Variants in SIL1 observed in about 807,000 individuals in gnomAD.
SIL1 encodes SIL1 nucleotide exchange factor.
SIL1 carries 40 observed loss-of-function variants against 49.1 expected under a neutral mutation model. That is an observed-to-expected ratio of 0.81 (90% CI 0.63 to 1.06). The LOEUF (loss-of-function observed/expected upper bound fraction) is 1.06. Among genes scored for constraint, SIL1 ranks in the 50% least tolerant of loss-of-function variants. The pLI is 0.00. For synonymous variants in SIL1, 253 were observed against 250.8 expected, an observed-to-expected ratio of 1.01 and a Z score of -0.08; for missense variants, 500 against 572.6, an observed-to-expected ratio of 0.87 and a Z score of 1.29.
intron 5 of SIL1, among the ~76,000 whole-genome samples, chr5:139,041,611 C>G (rs189416746): frequency 1.6e-3 from 241 of 152,184 alleles, no homozygotes; most frequent in Middle Eastern, 6.8e-3. Flanking sequence ...CGAGAGCAAC[C>G]TGGCCAACAT....
intron 7 of SIL1, among the ~76,000 whole-genome samples, chr5:138,957,012 G>A (rs775983383): frequency 6.6e-6 from 1 of 151,926 alleles, no homozygotes; most frequent in Non-Finnish European, 1.5e-5. Flanking sequence ...AGCCACCCAC[G>A]TAAGCAACTA....
In SIL1 at chr5:138,951,872, G is replaced by T; in HGVS notation, c.780C>A (p.Val260=). ...CTCCCCCTTCGATGGCCTCCACCTG[G>T]ACCTTGGGGTTGCTGGGGAAGAAGC... ...LGAAFSSNPK[V]QVEAIEGGAL... is the part of the protein sequence containing the mutation. Residue 260 remains valine, a synonymous_variant, in exon 8 of 10, where the codon GTC becomes GTA. Coordinates refer to ENST00000394817, the MANE Select transcript of SIL1 (RefSeq NM_022464.5). The T allele has an allele frequency of 6.2e-7, 1 of 1,613,822 alleles. No individual in the cohort carries two copies. The highest frequency in any genetic ancestry group is 8.5e-7 in the Non-Finnish European group (1 of 1,180,018).
intron 7 of SIL1, among the ~76,000 whole-genome samples, chr5:138,987,866 T>C (rs1486637867): frequency 6.6e-6 from 1 of 152,210 alleles, no homozygotes; most frequent in African/African-American, 2.4e-5. Context: ...ACAAGAGTTT[T>C]GCTCTTGTCA....
intron 7 of SIL1, among the ~76,000 whole-genome samples, chr5:138,996,132 T>C (rs994479923): frequency 6.6e-6 from 1 of 152,252 alleles, no homozygotes; most frequent in Admixed American, 6.5e-5. Flanking sequence ...AAAGTGGCTG[T>C]ACTAATTTGC....
chr5:139,122,574 G>A (rs965362311), intron 2 of SIL1, among the ~76,000 whole-genome samples: 2 of 151,352 alleles, frequency 1.3e-5, no homozygotes, highest in Non-Finnish European at 2.9e-5. Context: ...CAGCCTGTGT[G>A]ACAGAGCAAG....
At chr5:138,952,508 C>T (rs757405606) in intron 7 of SIL1, among the ~76,000 whole-genome samples, 1 of 152,250 alleles carries the variant, frequency 6.6e-6, no homozygotes, top group Non-Finnish European at 1.5e-5. Context: ...CACTCTATAA[C>T]AGCAGCTACT....
chr5:139,114,440 C>G (rs889257075), intron 3 of SIL1, among the ~76,000 whole-genome samples: 1 of 152,176 alleles, frequency 6.6e-6, no homozygotes, highest in African/African-American at 2.4e-5. Context: ...TCTCCCAGTA[C>G]AGGATAATTT....
rs35074969 is a variant in SIL1 at position 138,998,852 on chromosome 5, CTT to C, written c.767+22317_767+22318del. ...AGTAGGATGCAGAGGATTATCTTTC[CTT>C]TTTTTTTTTTTTTTTTTTTTTGAGA... On this transcript the variant is annotated intron_variant, in intron 7 of 9. Transcript: ENST00000394817. Among the ~76,000 whole-genome samples, 724 of 98,662 alleles carry C rather than the reference CTT, an allele frequency of 7.3e-3. 6 individuals carry two copies. The highest frequency in any genetic ancestry group is 0.021 in the Admixed American group (190 of 9,184). 64.7% of individuals were successfully genotyped at this position (98,662 alleles called of 152,430 possible).
intron 4 of SIL1, among the ~76,000 whole-genome samples, chr5:139,045,743 T>C (rs1246648704): frequency 2.6e-5 from 4 of 152,200 alleles, no homozygotes; most frequent in Non-Finnish European, 5.9e-5. Flanking sequence ...TTTCAATAAA[T>C]AGTACCAACA....
intron 5 of SIL1, among the ~76,000 whole-genome samples, chr5:139,041,159 C>G (rs1769039822): frequency 6.6e-6 from 1 of 152,192 alleles, no homozygotes; most frequent in African/African-American, 2.4e-5. Context: ...CTCCTCAGCC[C>G]CTTGGCTAAT....
chr5:139,048,452 T>A (rs1769218259), intron 4 of SIL1, among the ~76,000 whole-genome samples: 1 of 145,012 alleles, frequency 6.9e-6, no homozygotes, highest in South Asian at 2.4e-4. Context: ...CTTGACTCAC[T>A]GCAACCTCTG....
At chr5:139,069,083 T>A (rs1279069262) in intron 3 of SIL1, among the ~76,000 whole-genome samples, 3 of 151,896 alleles carry the variant, frequency 2.0e-5, no homozygotes, top group African/African-American at 7.3e-5. Context: ...CAACCAGGAT[T>A]TCAGGATCAG....
At chr5:139,159,227 G>A (rs766472735) in intron 1 of SIL1, among the ~76,000 whole-genome samples, 56 of 152,172 alleles carry the variant, frequency 3.7e-4, no homozygotes, top group Non-Finnish European at 7.8e-4. Flanking sequence ...TGTCACACAT[G>A]ACACTGTCCT....
intron 3 of SIL1, among the ~76,000 whole-genome samples, chr5:139,078,172 G>A (rs1038578036): frequency 1.8e-4 from 28 of 152,256 alleles, no homozygotes; most frequent in Admixed American, 1.5e-3. Flanking sequence ...GGCTAAGCCT[G>A]GTGGCTCACA....
chr5:138,984,332 G>GT (rs57850973), intron 7 of SIL1, among the ~76,000 whole-genome samples: 51,667 of 141,348 alleles, frequency 0.37, 9,334 homozygotes, highest in Middle Eastern at 0.43. Flanking sequence ...CTCTTACGGT[G>GT]TTTTTTTTTT....
At chr5:139,186,401 G>A (rs1293127439) in intron 1 of SIL1, among the ~76,000 whole-genome samples, 1 of 151,952 alleles carries the variant, frequency 6.6e-6, no homozygotes, top group Non-Finnish European at 1.5e-5. Flanking sequence ...GAATTTAAAT[G>A]TGTGAAACTC....
intron 7 of SIL1, among the ~76,000 whole-genome samples, chr5:138,974,888 T>C (rs909847879): frequency 1.8e-4 from 28 of 152,144 alleles, no homozygotes; most frequent in African/African-American, 6.5e-4. Flanking sequence ...CTCACATGAG[T>C]CTGTGAAGCA....
At chr5:139,183,395 G>A (rs1752025795) in intron 1 of SIL1, among the ~76,000 whole-genome samples, 1 of 152,176 alleles carries the variant, frequency 6.6e-6, no homozygotes, top group Non-Finnish European at 1.5e-5. Flanking sequence ...CCATGTCCAT[G>A]GTGCTCCTGC....
At chr5:139,093,318 G>A (rs1770384468) in intron 3 of SIL1, among the ~76,000 whole-genome samples, 1 of 152,204 alleles carries the variant, frequency 6.6e-6, no homozygotes, top group African/African-American at 2.4e-5. Flanking sequence ...AAATTACCCA[G>A]TCTCAATTAT....
Sources: gnomAD v4.1 joint callset for allele counts (sites outside exome capture counted in the v4.1 genomes callset) on GRCh38, gnomAD v4.1.1 for gene constraint, MANE v1.5 for transcripts, NCBI Gene and HGNC (gene_info 2026-07-23, HGNC 2026-07-21) for gene names.